SMIM13: variants seen among roughly 807,000 people sequenced by gnomAD.
SMIM13 encodes the protein small integral membrane protein 13.
A neutral mutation model predicts 5.9 loss-of-function variants in SMIM13; 3 were observed. That is an observed-to-expected ratio of 0.51 (90% CI 0.23 to 1.31). The LOEUF (loss-of-function observed/expected upper bound fraction) is 1.31. Ranked by LOEUF, SMIM13 falls within the 40% of genes most tolerant of loss-of-function variation. The pLI is 0.18. For missense variants in SMIM13, 85 were observed against 109.9 expected, an observed-to-expected ratio of 0.77 and a Z score of 1.01; for synonymous variants, 55 against 46.0, an observed-to-expected ratio of 1.19 and a Z score of -0.79.
chr6:11,094,956 TAATG>T (rs2113633783), intron 1 of SMIM13, among the ~76,000 whole-genome samples: 1 of 152,342 alleles, frequency 6.6e-6, no homozygotes, highest in East Asian at 1.9e-4. Flanking sequence ...AGTTCTATAA[TAATG>T]GTGCTATTTC....
chr6:11,112,315 A>T (rs1377277471), intron 1 of SMIM13, among the ~76,000 whole-genome samples: 2 of 151,396 alleles, frequency 1.3e-5, no homozygotes, highest in African/African-American at 4.9e-5. Flanking sequence ...GCAGTGATGC[A>T]ATCTTGGCTC....
intron 1 of SMIM13, chr6:11,104,451 T>G: frequency 1.3e-6 from 2 of 1,551,836 alleles, no homozygotes; most frequent in Non-Finnish European, 1.7e-6. Context: ...TGTAGAGATA[T>G]GGAAATGAAA....
At chr6:11,104,930 AAC>A in intron 1 of SMIM13, 1 of 1,614,230 alleles carries the variant, frequency 6.2e-7, no homozygotes, top group Non-Finnish European at 8.5e-7. Context: ...TTTTGGCCAT[AAC>A]ACAAATAGGG....
At chr6:11,113,051 G>T (rs1338836165) in intron 1 of SMIM13, among the ~76,000 whole-genome samples, 1 of 152,056 alleles carries the variant, frequency 6.6e-6, no homozygotes, top group Non-Finnish European at 1.5e-5. Flanking sequence ...GGCTGGTTTC[G>T]AACTCCTGAC....
intron 1 of SMIM13, 69 bp from the exon 2 acceptor site, chr6:11,134,334 A>G (rs1758489560): frequency 1.8e-6 from 2 of 1,142,390 alleles, no homozygotes; most frequent in South Asian, 1.5e-5. Flanking sequence ...CCCCCCATTA[A>G]CTGTAACATT....
rs1279638138 is a variant in SMIM13, at chr6:11,138,431, G to C, written c.*3829G>C. ...AATGTTTAACACGATCCTCCAAGTT[G>C]GTTCTATGCATAACCATTCACCAAA... On this transcript the variant is annotated 3_prime_UTR_variant, in exon 2 of 2. Transcript: ENST00000416247. 1 of 152,004 alleles carries C rather than the reference G, an allele frequency of 6.6e-6. No individual in the cohort carries two copies. Among genetic ancestry groups the C allele is most frequent in the African/African-American group, 2.4e-5 (1 of 41,372 alleles). The allele number at this position is 152,004 out of a possible 1,614,324, so 9.4% of individuals were successfully genotyped here.
At chr6:11,097,771 G>A (rs1297989507) in intron 1 of SMIM13, among the ~76,000 whole-genome samples, 4 of 152,044 alleles carry the variant, frequency 2.6e-5, no homozygotes, top group African/African-American at 9.7e-5. Context: ...TCTATAACAA[G>A]CACCATGTCT....
chr6:11,099,656 A>G (rs534851710), intron 1 of SMIM13, among the ~76,000 whole-genome samples: 20 of 152,354 alleles, frequency 1.3e-4, no homozygotes, highest in African/African-American at 4.8e-4. Flanking sequence ...AGAATACCCA[A>G]GCTCCTACAA....
At chr6:11,117,157 A>ATTTTTTTTTTTTTTTTTTTTTTTTTT (rs1341431576) in intron 1 of SMIM13, among the ~76,000 whole-genome samples, 1 of 116,896 alleles carries the variant, frequency 8.6e-6, no homozygotes, top group Admixed American at 8.5e-5. Flanking sequence ...CGCCCGGCTA[A>ATTTTTTTTTTTTTTTTTTTTTTTTTT]TTTTTGTATT....
At chr6:11,129,482 A>G (rs1758422922) in intron 1 of SMIM13, among the ~76,000 whole-genome samples, 1 of 152,254 alleles carries the variant, frequency 6.6e-6, no homozygotes, top group African/African-American at 2.4e-5. Flanking sequence ...GTTCTGCAAT[A>G]AACATGAGCA....
At chr6:11,111,261 AC>A (rs924377489) in intron 1 of SMIM13, among the ~76,000 whole-genome samples, 4 of 152,176 alleles carry the variant, frequency 2.6e-5, no homozygotes, top group African/African-American at 7.2e-5. Context: ...AGACAGACTT[AC>A]CCCCAAGGCA....
chr6:11,131,728 T>C (rs1055585611), intron 1 of SMIM13, among the ~76,000 whole-genome samples: 4 of 152,200 alleles, frequency 2.6e-5, no homozygotes, highest in African/African-American at 9.6e-5. Context: ...GATTTCCTCA[T>C]GCAAAAGGAT....
At chr6:11,119,562 G>A (rs1758284807) in intron 1 of SMIM13, among the ~76,000 whole-genome samples, 1 of 152,122 alleles carries the variant, frequency 6.6e-6, no homozygotes, top group African/African-American at 2.4e-5. Context: ...GCAGAGGCAG[G>A]AGAATGGTGT....
At chr6:11,107,165 C>T (rs1347752147) in intron 1 of SMIM13, among the ~76,000 whole-genome samples, 2 of 152,178 alleles carry the variant, frequency 1.3e-5, no homozygotes, top group Non-Finnish European at 2.9e-5. Flanking sequence ...TTAAATCTTC[C>T]TGGCTGGCAT....
At position 11,134,986 on chromosome 6, in the gene SMIM13, A is replaced by T. The variant is rs1758500651; in HGVS notation, c.*384A>T. 1 of 156,224 alleles carries T rather than the reference A, an allele frequency of 6.4e-6. No homozygotes were observed. Among genetic ancestry groups the T allele is most frequent in the South Asian group, 2.0e-4 (1 of 5,024 alleles). 9.7% of individuals were successfully genotyped at this position (156,224 alleles called of 1,614,324 possible). A position where few individuals can be genotyped will look rare whatever the true frequency, so the allele number is the denominator to read the frequency against. ...GGGATGCATCTCATTACTGTCAACC[A>T]GGTGATAGTCATGTAACGCTCCTAC... On this transcript the variant is annotated 3_prime_UTR_variant, in exon 2 of 2. Transcript: ENST00000416247.
intron 1 of SMIM13, among the ~76,000 whole-genome samples, chr6:11,120,804 T>G (rs1758298952): frequency 6.6e-6 from 1 of 152,224 alleles, no homozygotes. Context: ...GAATAATGAT[T>G]GCTGGTCTCA....
chr6:11,116,680 C>T (rs1179060549), intron 1 of SMIM13, among the ~76,000 whole-genome samples: 4 of 152,098 alleles, frequency 2.6e-5, no homozygotes, highest in East Asian at 3.9e-4. Flanking sequence ...CTTTTAACAC[C>T]TGTAGGATCT....
In SMIM13 at chr6:11,136,284, C is replaced by T. The variant is rs919583979; in HGVS notation, c.*1682C>T. On this transcript the variant is annotated 3_prime_UTR_variant, in exon 2 of 2. Transcript: ENST00000416247. ...TCTTGCCAGGTTTCCGTGTTTGTCTCAACTGAACTCTGGGCTGAGTGTTTA... is the reference window on the plus strand; with the variant it reads ...TCTTGCCAGGTTTCCGTGTTTGTCTTAACTGAACTCTGGGCTGAGTGTTTA... 6.6e-6 allele frequency: 1 copy of T among 152,208 alleles called. No homozygotes were observed. The highest frequency in any genetic ancestry group is 2.4e-5 in the African/African-American group (1 of 41,444). 9.4% of individuals were successfully genotyped at this position (152,208 alleles called of 1,614,324 possible).
At chr6:11,101,240 T>C (rs1757987556) in intron 1 of SMIM13, among the ~76,000 whole-genome samples, 1 of 152,180 alleles carries the variant, frequency 6.6e-6, no homozygotes, top group Non-Finnish European at 1.5e-5. Context: ...GGTTGTTCTA[T>C]GTTTAGCGTT....
Sources: allele counts gnomAD v4.1 joint callset (sites outside exome capture counted in the v4.1 genomes callset), GRCh38; gene constraint gnomAD v4.1.1; transcripts MANE v1.5; gene names NCBI Gene and HGNC (gene_info 2026-07-23, HGNC 2026-07-21).